Variants in ABHD2 observed in about 807,000 individuals in gnomAD.
ABHD2 encodes the protein abhydrolase domain containing 2, acylglycerol lipase.
A neutral mutation model predicts 48.1 loss-of-function variants in ABHD2; 20 were observed. That is an observed-to-expected ratio of 0.42 (90% CI 0.29 to 0.60). The LOEUF (loss-of-function observed/expected upper bound fraction) is 0.60. Among genes scored for constraint, ABHD2 ranks in the 20% least tolerant of loss-of-function variants. The pLI, the probability that ABHD2 is intolerant of heterozygous loss-of-function variation, is 0.24. For synonymous variants in ABHD2, 209 were observed against 214.2 expected, an observed-to-expected ratio of 0.98 and a Z score of 0.21; for missense variants, 405 against 550.9, an observed-to-expected ratio of 0.74 and a Z score of 2.65.
At chr15:89,074,539 C>T in the ABHD2 span, among the ~76,000 whole-genome samples, 5 of 152,146 alleles carry the variant, frequency 3.3e-5, no homozygotes, top group Non-Finnish European at 5.9e-5. Flanking sequence ...ACCACTGAAA[C>T]ACTGAGCCAT....
Position 89,141,829 on chromosome 15 carries a change from G to C in ABHD2, c.195-9848G>C, listed in dbSNP as rs557801217. Reference sequence around the variant, plus strand: ...GATTTCTATCAGGAATATCTACCAGGGTTCTCCGTGTTGCTGAAAAGCCCC... The same window carrying C: ...GATTTCTATCAGGAATATCTACCAGCGTTCTCCGTGTTGCTGAAAAGCCCC... On this transcript the variant is annotated intron_variant, in intron 3 of 10. Transcript: ENST00000352732. Among the ~76,000 whole-genome samples the C allele has an allele frequency of 2.0e-5, 3 of 152,238 alleles. No homozygotes were observed. In the East Asian group the frequency reaches 5.8e-4, roughly 29 times the overall value.
intron 1 of ABHD2, among the ~76,000 whole-genome samples, chr15:89,090,709 G>A (rs293379): frequency 0.38 from 57,076 of 151,910 alleles, 11,353 homozygotes; most frequent in Non-Finnish European, 0.46. Flanking sequence ...CCTCGAAATG[G>A]TAAAGTCCTG....
chr15:89,143,422 C>T (rs1219822483), intron 3 of ABHD2, among the ~76,000 whole-genome samples: 1 of 152,166 alleles, frequency 6.6e-6, no homozygotes, highest in Non-Finnish European at 1.5e-5. Flanking sequence ...AATCCCAGCA[C>T]TTTGGGAGGC....
chr15:89,152,690 A>C (rs772276324), intron 4 of ABHD2, among the ~76,000 whole-genome samples: 1 of 152,222 alleles, frequency 6.6e-6, no homozygotes, highest in Non-Finnish European at 1.5e-5. Context: ...TCCCTGGACA[A>C]ATAGACACAT....
intron 3 of ABHD2, among the ~76,000 whole-genome samples, chr15:89,150,784 C>G (rs1468058938): frequency 6.6e-6 from 1 of 152,178 alleles, no homozygotes; most frequent in Non-Finnish European, 1.5e-5. Flanking sequence ...TTATATTATA[C>G]GACTCCAGTT....
At chr15:89,089,144 A>G (rs893922895) in intron 1 of ABHD2, among the ~76,000 whole-genome samples, 10 of 152,250 alleles carry the variant, frequency 6.6e-5, no homozygotes, top group Admixed American at 2.0e-4. Context: ...AGAGCTGTCC[A>G]GCAGCGCAGG....
At chr15:89,193,199 T>C (rs764079486) in intron 9 of ABHD2, 36 bp from the exon 10 acceptor site, 5 of 1,596,020 alleles carry the variant, frequency 3.1e-6, no homozygotes, top group Non-Finnish European at 4.3e-6. Flanking sequence ...AAAATGGGAA[T>C]CAGTAGTTTA....
At position 89,151,191 on chromosome 15, in the gene ABHD2, A is replaced by C. The variant is rs1300672387; in HGVS notation, c.195-486A>C. 6.6e-6 allele frequency among the ~76,000 whole-genome samples: 1 copy of C among 152,212 alleles called. No individual in the cohort carries two copies. The highest frequency in any genetic ancestry group is 1.9e-4 in the East Asian group (1 of 5,200). On this transcript the variant is annotated intron_variant, in intron 3 of 10. Coordinates refer to ENST00000352732, the MANE Select transcript of ABHD2 (RefSeq NM_152924.5). This position sits in a 1 kb window ranked among gnomAD's most constrained non-coding sequence, Gnocchi z 4.7. ...AGAAGAATTTGCAGCCCTTCCCAGC[A>C]CTAACTGAGAGTAGCAGGTTTGGCT...
At position 89,197,261 on chromosome 15, in the gene ABHD2, C is replaced by T. The variant is rs549796422; in HGVS notation, c.*1838C>T. Reference sequence around the variant, plus strand: ...ACTGAGATTTCTGTGGTCTCAACTTCGCTTTGGTATAATTTCTGGCACTCA... The same window carrying T: ...ACTGAGATTTCTGTGGTCTCAACTTTGCTTTGGTATAATTTCTGGCACTCA... On this transcript the variant is annotated 3_prime_UTR_variant, in exon 11 of 11. Coordinates refer to ENST00000352732, the MANE Select transcript of ABHD2 (RefSeq NM_152924.5). This position sits in a 1 kb window ranked among gnomAD's most constrained non-coding sequence, Gnocchi z 4.4. The T allele has an allele frequency of 3.3e-5, 5 of 152,742 alleles. No individual in the cohort carries two copies. The highest frequency in any genetic ancestry group is 9.6e-5 in the African/African-American group (4 of 41,566). 9.5% of individuals were successfully genotyped at this position (152,742 alleles called of 1,614,324 possible).
At chr15:89,071,345 C>T in the ABHD2 span, among the ~76,000 whole-genome samples, 2 of 152,136 alleles carry the variant, frequency 1.3e-5, no homozygotes, top group Admixed American at 6.6e-5. Flanking sequence ...CGCTTGAACC[C>T]GGGAGGTGGA....
the ABHD2 span, among the ~76,000 whole-genome samples, chr15:89,052,112 T>G: frequency 3.9e-5 from 6 of 152,126 alleles, no homozygotes; most frequent in Admixed American, 2.6e-4. Flanking sequence ...GGAAACAGAT[T>G]TACTCCCACA....
upstream of ABHD2, among the ~76,000 whole-genome samples, chr15:89,084,395 G>T (rs2150759109): frequency 6.6e-6 from 1 of 152,240 alleles, no homozygotes; most frequent in African/African-American, 2.4e-5. The surrounding 1 kb of genome is among the most constrained non-coding windows in gnomAD (Gnocchi z 4.4). Flanking sequence ...CGCCTCCTAG[G>T]TTCAAGCGAT....
upstream of ABHD2, among the ~76,000 whole-genome samples, chr15:89,084,405 T>C (rs1180488673): frequency 6.6e-6 from 1 of 152,292 alleles, no homozygotes; most frequent in African/African-American, 2.4e-5. This position sits in a 1 kb window ranked among gnomAD's most constrained non-coding sequence, Gnocchi z 4.4. Context: ...GTTCAAGCGA[T>C]TCTCCTGCCT....
At chr15:89,089,739 CT>C (rs1235732706) in intron 1 of ABHD2, among the ~76,000 whole-genome samples, 1 of 152,232 alleles carries the variant, frequency 6.6e-6, no homozygotes, top group Non-Finnish European at 1.5e-5. Context: ...CTTCACTACC[CT>C]CTGTCATTTG....
chr15:89,195,477 T>C lies in ABHD2; in HGVS notation c.*54T>C. 6.4e-7 allele frequency: 1 copy of C among 1,562,000 alleles called. No individual in the cohort carries two copies. Among genetic ancestry groups the C allele is most frequent in the Non-Finnish European group, 8.7e-7 (1 of 1,154,380 alleles). ...GCCCTCCTCTGGAAGCTGCGTCCCCTCACCCCCTGTTTCAGGTCTCCCATC... is the reference window on the plus strand; with the variant it reads ...GCCCTCCTCTGGAAGCTGCGTCCCCCCACCCCCTGTTTCAGGTCTCCCATC... On this transcript the variant is annotated 3_prime_UTR_variant, in exon 11 of 11. Transcript: ENST00000352732. The surrounding 1 kb of genome is among the most constrained non-coding windows in gnomAD (Gnocchi z 5.1).
intron 5 of ABHD2, among the ~76,000 whole-genome samples, chr15:89,157,136 A>G (rs865808873): frequency 5.9e-5 from 9 of 152,194 alleles, no homozygotes; most frequent in Non-Finnish European, 1.3e-4. Context: ...TTAACCATTT[A>G]TCTTTGTAGG....
intron 1 of ABHD2, among the ~76,000 whole-genome samples, chr15:89,095,261 C>G (rs1291611646): frequency 1.3e-5 from 2 of 152,092 alleles, no homozygotes; most frequent in African/African-American, 4.8e-5. Flanking sequence ...TTGCAGTTTC[C>G]TTAAACAATG....
rs183314874 is a variant in ABHD2, at chr15:89,099,708, C to A, written c.-107+11145C>A. 5.7e-3 allele frequency among the ~76,000 whole-genome samples: 859 copies of A among 151,886 alleles called. 7 individuals are homozygous for A. Among genetic ancestry groups the A allele is most frequent in the Non-Finnish European group, 8.3e-3 (566 of 67,968 alleles). ...GCCGAGGTAAGTGGATCACTTGAGGCCAGGAGTTCAAGACCATCCTGGCCA... is the reference window on the plus strand; with the variant it reads ...GCCGAGGTAAGTGGATCACTTGAGGACAGGAGTTCAAGACCATCCTGGCCA... On this transcript the variant is annotated intron_variant, in intron 1 of 10. Coordinates refer to ENST00000352732, the MANE Select transcript of ABHD2 (RefSeq NM_152924.5).
rs1361334463 is a variant in ABHD2, at chr15:89,184,793, GC to G, written c.723-628del. 6.6e-6 allele frequency among the ~76,000 whole-genome samples: 1 copy of G among 152,170 alleles called. No homozygotes were observed. ...ACACTAGTGTGCCAGTCACACACTA[GC>G]CCTAGAGGCAGAAAGACACTTCCAG... On this transcript the variant is annotated intron_variant, in intron 6 of 10. Coordinates refer to ENST00000352732, the MANE Select transcript of ABHD2 (RefSeq NM_152924.5). This position sits in a 1 kb window ranked among gnomAD's most constrained non-coding sequence, Gnocchi z 5.1.
Sources: allele counts gnomAD v4.1 joint callset (sites outside exome capture counted in the v4.1 genomes callset), GRCh38; gene constraint gnomAD v4.1.1; non-coding constraint Gnocchi (gnomAD v3.1); transcripts MANE v1.5; gene names NCBI Gene and HGNC (gene_info 2026-07-23, HGNC 2026-07-21).